The following CERKL variants were observed in gnomAD, a reference collection of about 807,000 sequenced individuals.
CERKL encodes the protein CERK like autophagy regulator.
Under a neutral mutation model 63.4 loss-of-function variants are expected in CERKL, and 61 were observed. That is an observed-to-expected ratio of 0.96 (90% CI 0.78 to 1.19). CERKL has a LOEUF of 1.19. Ranked by LOEUF, CERKL falls within the 50% of genes most tolerant of loss-of-function variation. The pLI, the probability that CERKL is intolerant of heterozygous loss-of-function variation, is 0.00. For missense variants in CERKL, 675 were observed against 655.5 expected, an observed-to-expected ratio of 1.03 and a Z score of -0.33; for synonymous variants, 250 against 230.5, an observed-to-expected ratio of 1.08 and a Z score of -0.77.
At chr2:181,584,198 C>A (rs1191877349) in intron 2 of CERKL, among the ~76,000 whole-genome samples, 2 of 152,094 alleles carry the variant, frequency 1.3e-5, no homozygotes. Flanking sequence ...TTCATGTAAT[C>A]TTTGACTTAT....
chr2:181,595,783 C>T (rs1297614539), intron 2 of CERKL, among the ~76,000 whole-genome samples: 1 of 152,112 alleles, frequency 6.6e-6, no homozygotes, highest in African/African-American at 2.4e-5. Context: ...GCATTGTTTT[C>T]ATTCTTCAAA....
chr2:181,629,802 G>A (rs960987743), intron 1 of CERKL, among the ~76,000 whole-genome samples: 1 of 151,902 alleles, frequency 6.6e-6, no homozygotes, highest in Non-Finnish European at 1.5e-5. Context: ...TGATTAGATT[G>A]ACCAAGTTCC....
intron 5 of CERKL, among the ~76,000 whole-genome samples, chr2:181,552,387 T>C (rs935498803): frequency 6.6e-6 from 1 of 152,076 alleles, no homozygotes; most frequent in African/African-American, 2.4e-5. Context: ...TGATAGTGAG[T>C]GAGTTCTCAT....
rs149457755 is a variant in CERKL at position 181,537,701 on chromosome 2, G to A, written c.*483C>T. The A allele has an allele frequency of 3.2e-4, 136 of 426,098 alleles. No homozygotes were observed. Among genetic ancestry groups the A allele is most frequent in the African/African-American group, 2.7e-3 (127 of 47,554 alleles). The allele number at this position is 426,098 out of a possible 1,614,324, so 26.4% of individuals were successfully genotyped here. A position where few individuals can be genotyped will look rare whatever the true frequency, so the allele number is the denominator to read the frequency against. On this transcript the variant is annotated 3_prime_UTR_variant, in exon 13 of 13. Transcript: ENST00000410087. ...AGGTTAAATATTGATGTATTATGATGGTTGCAAAGTTTTTTTGTGTGTCCA... is the reference window on the plus strand; with the variant it reads ...AGGTTAAATATTGATGTATTATGATAGTTGCAAAGTTTTTTTGTGTGTCCA...
At chr2:181,577,275 A>G (rs540285004) in intron 2 of CERKL, among the ~76,000 whole-genome samples, 44 of 152,364 alleles carry the variant, frequency 2.9e-4, no homozygotes, top group African/African-American at 9.4e-4. Context: ...TTCAGGGAGT[A>G]AAGAAAATGA....
At chr2:181,605,886 T>G (rs1685654452) in intron 1 of CERKL, among the ~76,000 whole-genome samples, 1 of 151,568 alleles carries the variant, frequency 6.6e-6, no homozygotes, top group Non-Finnish European at 1.5e-5. Flanking sequence ...CCGATTGGAG[T>G]GAGGATGTTC....
chr2:181,646,632 A>C (rs915300504), intron 1 of CERKL, among the ~76,000 whole-genome samples: 1 of 152,152 alleles, frequency 6.6e-6, no homozygotes, highest in Non-Finnish European at 1.5e-5. Flanking sequence ...AGTCCTTGGG[A>C]CTCCACCATT....
chr2:181,545,331 T>C (rs1008545775), intron 10 of CERKL, among the ~76,000 whole-genome samples: 1 of 152,198 alleles, frequency 6.6e-6, no homozygotes, highest in African/African-American at 2.4e-5. Context: ...ACATGTTCAG[T>C]TAAATGACTG....
chr2:181,542,108 T>A (rs1198022916), intron 11 of CERKL, among the ~76,000 whole-genome samples: 1 of 151,926 alleles, frequency 6.6e-6, no homozygotes, highest in Non-Finnish European at 1.5e-5. Context: ...ACATTTAAGG[T>A]TTTAAACTCC....
At chr2:181,542,187 G>T (rs1687538109) in intron 11 of CERKL, among the ~76,000 whole-genome samples, 1 of 152,192 alleles carries the variant, frequency 6.6e-6, no homozygotes, top group South Asian at 2.1e-4. Flanking sequence ...CAATAGGATG[G>T]AGCTGCAAGG....
chr2:181,621,855 AT>A (rs995442732), intron 1 of CERKL, among the ~76,000 whole-genome samples: 107 of 152,310 alleles, frequency 7.0e-4, no homozygotes, highest in African/African-American at 2.5e-3. Context: ...GATAAATTTG[AT>A]ATCAATACGA....
Position 181,558,660 on chromosome 2 carries a change from A to C in CERKL, c.726T>G (p.Ala242=). ...GDGSASEVAH[A]LLLRAQKNAG... is the part of the protein sequence containing the mutation. Reference sequence around the variant, plus strand: ...CATTCTTCTGAGCTCTCAGAAGCAAAGCATGGGCTACTTCGCTAGCAGATC... The same window carrying C: ...CATTCTTCTGAGCTCTCAGAAGCAACGCATGGGCTACTTCGCTAGCAGATC... Residue 242 remains alanine (A), a synonymous_variant, in exon 5 of 13, where the codon GCT becomes GCG. Coordinates refer to ENST00000410087, the MANE Select transcript of CERKL (RefSeq NM_201548.5). The surrounding 1 kb of genome is among the most constrained non-coding windows in gnomAD (Gnocchi z 4.2). The C allele has an allele frequency of 1.2e-6, 2 of 1,613,720 alleles. No individual in the cohort carries two copies. Among genetic ancestry groups the C allele is most frequent in the Non-Finnish European group, 1.7e-6 (2 of 1,179,786 alleles).
chr2:181,656,078 A>T (rs1688142905), intron 1 of CERKL, among the ~76,000 whole-genome samples: 1 of 152,258 alleles, frequency 6.6e-6, no homozygotes, highest in Admixed American at 6.5e-5. Flanking sequence ...TAGGTAACTA[A>T]AATTTTAAGT....
intron 2 of CERKL, among the ~76,000 whole-genome samples, chr2:181,586,457 G>A (rs1176455143): frequency 6.6e-6 from 1 of 151,914 alleles, no homozygotes; most frequent in Non-Finnish European, 1.5e-5. Flanking sequence ...AAAAAAAGAT[G>A]AATTTCAAAG....
chr2:181,612,447 T>G (rs1485970424), intron 1 of CERKL, among the ~76,000 whole-genome samples: 1 of 152,162 alleles, frequency 6.6e-6, no homozygotes, highest in Non-Finnish European at 1.5e-5. Context: ...ACCATGATTT[T>G]TTTACTATAG....
intron 1 of CERKL, among the ~76,000 whole-genome samples, chr2:181,649,229 G>A (rs1687797593): frequency 6.6e-6 from 1 of 152,188 alleles, no homozygotes; most frequent in African/African-American, 2.4e-5. Context: ...CATGCAATCA[G>A]AATCCAAAAG....
At chr2:181,613,087 A>G (rs886186819) in intron 1 of CERKL, among the ~76,000 whole-genome samples, 1 of 150,234 alleles carries the variant, frequency 6.7e-6, no homozygotes, top group African/African-American at 2.4e-5. Flanking sequence ...CCATAGTCAC[A>G]ATGCTATACA....
chr2:181,561,428 G>T (rs549595334), intron 4 of CERKL, among the ~76,000 whole-genome samples: 16 of 140,356 alleles, frequency 1.1e-4, no homozygotes, highest in Admixed American at 1.1e-3. Context: ...AAAAAAAATA[G>T]ATCATAAGAC....
intron 1 of CERKL, among the ~76,000 whole-genome samples, chr2:181,629,978 A>C (rs1044974394): frequency 1.7e-4 from 25 of 146,038 alleles, no homozygotes; most frequent in African/African-American, 5.7e-4. Flanking sequence ...AAAAAAAAAA[A>C]CACAAGAAGC....
Sources: allele counts gnomAD v4.1 joint callset (sites outside exome capture counted in the v4.1 genomes callset), GRCh38; gene constraint gnomAD v4.1.1; non-coding constraint Gnocchi (gnomAD v3.1); transcripts MANE v1.5; gene names NCBI Gene and HGNC (gene_info 2026-07-23, HGNC 2026-07-21).